The following CNTNAP5 variants were observed in gnomAD, a reference collection of about 807,000 sequenced individuals.
The protein encoded by CNTNAP5 is contactin-associated protein-like 5.
Under a neutral mutation model 150.2 loss-of-function variants are expected in CNTNAP5, and 72 were observed. The ratio of observed to expected loss-of-function variants is 0.48; its 90% CI spans 0.40 to 0.58. The LOEUF is 0.58. CNTNAP5 is among the 20% of genes least tolerant of loss of function. CNTNAP5 has a pLI of 0.00. For synonymous variants in CNTNAP5, 672 were observed against 619.8 expected, an observed-to-expected ratio of 1.08 and a Z score of -1.25; for missense variants, 1,636 against 1,626.2, an observed-to-expected ratio of 1.01 and a Z score of -0.10.
At chr2:124,344,756 A>AAAAC (rs1352548332) in intron 3 of CNTNAP5, among the ~76,000 whole-genome samples, 1 of 152,126 alleles carries the variant, frequency 6.6e-6, no homozygotes, top group East Asian at 1.9e-4. Context: ...ACCCTGCCTC[A>AAAAC]AAACAAACAA....
chr2:124,400,474 A>G (rs1312992995), intron 3 of CNTNAP5, among the ~76,000 whole-genome samples: 1 of 152,046 alleles, frequency 6.6e-6, no homozygotes, highest in Non-Finnish European at 1.5e-5. Context: ...CTTTGCCCCA[A>G]GGCTTTACCC....
intron 20 of CNTNAP5, among the ~76,000 whole-genome samples, chr2:124,866,954 TA>T (rs1399496081): frequency 6.6e-6 from 1 of 152,182 alleles, no homozygotes; most frequent in African/African-American, 2.4e-5. Context: ...CAGAAGAGAA[TA>T]TCCGCACATT....
intron 6 of CNTNAP5, among the ~76,000 whole-genome samples, chr2:124,449,841 G>A (rs1204391905): frequency 6.6e-6 from 1 of 152,120 alleles, no homozygotes; most frequent in African/African-American, 2.4e-5. Context: ...AGAGTTACGT[G>A]TCAAGAGAAA....
In CNTNAP5 at chr2:124,260,627, G is replaced by A. The variant is rs189509044; in HGVS notation, c.381+18234G>A. 4.1e-3 allele frequency among the ~76,000 whole-genome samples: 632 copies of A among 152,312 alleles called. 4 individuals carry two copies. Among genetic ancestry groups the A allele is most frequent in the Non-Finnish European group, 7.3e-3 (499 of 68,020 alleles). On this transcript the variant is annotated intron_variant, in intron 3 of 23. Transcript: ENST00000682447. ...TTTTGCAATCTACTCATTTGACAAA[G>A]GGCTAATATCCAGCATCTACAATGA...
At chr2:124,604,802 C>T (rs142328750) in intron 11 of CNTNAP5, among the ~76,000 whole-genome samples, 1 of 152,262 alleles carries the variant, frequency 6.6e-6, no homozygotes, top group African/African-American at 2.4e-5. Flanking sequence ...ACAAGTATAT[C>T]AATAACAGTA....
chr2:124,791,307 A>T (rs1400504246), intron 18 of CNTNAP5, among the ~76,000 whole-genome samples: 1 of 152,206 alleles, frequency 6.6e-6, no homozygotes, highest in African/African-American at 2.4e-5. Context: ...CCTGAAGAGC[A>T]TGTCATGCTT....
At chr2:124,294,335 T>C (rs1259737720) in intron 3 of CNTNAP5, among the ~76,000 whole-genome samples, 1 of 152,148 alleles carries the variant, frequency 6.6e-6, no homozygotes, top group Non-Finnish European at 1.5e-5. Context: ...ATGAGAAGTA[T>C]TATAAAATAA....
chr2:124,385,421 A>G lies in CNTNAP5; in HGVS notation c.382-32022A>G, dbSNP rs577666548. Among the ~76,000 whole-genome samples the G allele has an allele frequency of 5.9e-5, 9 of 152,284 alleles. No individual in the cohort carries two copies. In the East Asian group the frequency reaches 1.7e-3, roughly 29 times the overall value. ...CTATTATCTCTGGCACCCATGACCA[A>G]ACTAAGTCCCCTGCTCCTCCCACTT... On this transcript the variant is annotated intron_variant, in intron 3 of 23. Coordinates refer to ENST00000682447, the MANE Select transcript of CNTNAP5 (RefSeq NM_001367498.1).
chr2:124,357,068 C>A (rs1012428865), intron 3 of CNTNAP5, among the ~76,000 whole-genome samples: 1 of 152,162 alleles, frequency 6.6e-6, no homozygotes, highest in Non-Finnish European at 1.5e-5. Context: ...TGATGATGAG[C>A]ATTTTTTCAT....
intron 3 of CNTNAP5, among the ~76,000 whole-genome samples, chr2:124,340,911 C>T (rs970112528): frequency 5.5e-5 from 8 of 145,662 alleles, no homozygotes; most frequent in African/African-American, 1.5e-4. Flanking sequence ...GACACACACA[C>T]ATATATATAT....
At chr2:124,519,411 A>G (rs910080470) in intron 8 of CNTNAP5, among the ~76,000 whole-genome samples, 1 of 152,242 alleles carries the variant, frequency 6.6e-6, no homozygotes, top group Non-Finnish European at 1.5e-5. Flanking sequence ...CAGTAGCAGA[A>G]CATAAAACTT....
At chr2:124,045,181 C>T (rs184063127) in intron 1 of CNTNAP5, among the ~76,000 whole-genome samples, 79 of 152,118 alleles carry the variant, frequency 5.2e-4, no homozygotes, top group African/African-American at 1.9e-3. Flanking sequence ...AACAAGCAAG[C>T]TTAATAACAA....
intron 1 of CNTNAP5, among the ~76,000 whole-genome samples, chr2:124,189,049 A>T (rs2104691819): frequency 6.6e-6 from 1 of 152,306 alleles, no homozygotes; most frequent in South Asian, 2.1e-4. Context: ...GAAATAAATC[A>T]AAATATTTAG....
At chr2:124,402,213 G>A (rs151284834) in intron 3 of CNTNAP5, among the ~76,000 whole-genome samples, 1 of 152,254 alleles carries the variant, frequency 6.6e-6, no homozygotes, top group Non-Finnish European at 1.5e-5. Context: ...CCAGGACAAG[G>A]AGACTAGGAG....
At position 124,192,722 on chromosome 2, in the gene CNTNAP5, G is replaced by A. The variant is rs545674429; in HGVS notation, c.83-28983G>A. On this transcript the variant is annotated intron_variant, in intron 1 of 23. Coordinates refer to ENST00000682447, the MANE Select transcript of CNTNAP5 (RefSeq NM_001367498.1). ...CCTGGGCTACTGTCCTCAAATCTTC[G>A]TAAAATGTCATGGCCACGAGGAGTC... Among the ~76,000 whole-genome samples, 85 of 152,068 alleles carry A rather than the reference G, an allele frequency of 5.6e-4. No homozygotes were observed. In the South Asian group the frequency reaches 7.9e-3, roughly 14 times the overall value.
chr2:124,501,684 GGTGACACT>G (rs1694282836), intron 7 of CNTNAP5, among the ~76,000 whole-genome samples: 1 of 152,070 alleles, frequency 6.6e-6, no homozygotes, highest in Non-Finnish European at 1.5e-5. Flanking sequence ...GGTGAATAGG[GGTGACACT>G]GATGGCCCTC....
rs116480597 is a variant in CNTNAP5, at chr2:124,256,307, G to A, written c.381+13914G>A. On this transcript the variant is annotated intron_variant, in intron 3 of 23. Coordinates refer to ENST00000682447, the MANE Select transcript of CNTNAP5 (RefSeq NM_001367498.1). The stretch of plus-strand genomic sequence containing the variant: ...ACTAAGGATATGCCGTACCTTTGAA[G>A]TATGTGTGACAAGAAGCTGGATGAT... Among the ~76,000 whole-genome samples, 1,159 of 152,268 alleles carry A rather than the reference G, an allele frequency of 7.6e-3. 16 individuals are homozygous for A. The highest frequency in any genetic ancestry group is 0.026 in the African/African-American group (1,076 of 41,540).
intron 13 of CNTNAP5, among the ~76,000 whole-genome samples, chr2:124,701,200 C>T (rs1679513848): frequency 6.6e-6 from 1 of 152,064 alleles, no homozygotes; most frequent in Non-Finnish European, 1.5e-5. Context: ...ACCCTGGTAA[C>T]CAATGTGTTG....
At chr2:124,742,558 T>A (rs568331205) in intron 13 of CNTNAP5, among the ~76,000 whole-genome samples, 1 of 152,194 alleles carries the variant, frequency 6.6e-6, no homozygotes, top group South Asian at 2.1e-4. Flanking sequence ...CTGTGTACAC[T>A]CTAAAACAAA....
Sources: gnomAD v4.1 joint callset for allele counts (sites outside exome capture counted in the v4.1 genomes callset) on GRCh38, gnomAD v4.1.1 for gene constraint, MANE v1.5 for transcripts, NCBI Gene and HGNC (gene_info 2026-07-23, HGNC 2026-07-21) for gene names.